PDE1C: variants seen among roughly 807,000 people sequenced by gnomAD.
PDE1C encodes dual specificity calcium/calmodulin-dependent 3',5'-cyclic nucleotide phosphodiesterase 1C.
PDE1C carries 62 observed loss-of-function variants against 93.1 expected under a neutral mutation model. That is an observed-to-expected ratio of 0.67 (90% confidence interval 0.54 to 0.82). PDE1C has a LOEUF of 0.82. PDE1C is among the 40% of genes least tolerant of loss of function. The pLI is 0.00. For missense variants in PDE1C, 742 were observed against 884.6 expected (o/e 0.84, Z 2.04); for synonymous variants, 325 against 310.1 (o/e 1.05, Z -0.50).
At chr7:31,637,835 G>T in the PDE1C span, among the ~76,000 whole-genome samples, 2 of 152,206 alleles carry the variant, frequency 1.3e-5, no homozygotes, top group Admixed American at 1.3e-4. Flanking sequence ...GAACAGTATT[G>T]CCTAGGTTTT....
intron 8 of PDE1C, among the ~76,000 whole-genome samples, chr7:31,848,378 T>C (rs2128795703): frequency 6.6e-6 from 1 of 152,316 alleles, no homozygotes; most frequent in African/African-American, 2.4e-5. Context: ...CCTATATTAG[T>C]TGCAAAGGTG....
At chr7:31,665,523 TAATC>T in the PDE1C span, among the ~76,000 whole-genome samples, 243 of 152,286 alleles carry the variant, frequency 1.6e-3, 2 homozygotes, top group Middle Eastern at 3.4e-3. Context: ...TAATTAATAT[TAATC>T]AATCAATATA....
intron 2 of PDE1C, among the ~76,000 whole-genome samples, chr7:31,918,317 G>A (rs981369936): frequency 6.6e-5 from 10 of 152,082 alleles, no homozygotes; most frequent in African/African-American, 2.2e-4. Context: ...CACACTACAC[G>A]AATAAAATTT....
At chr7:31,668,977 G>A in the PDE1C span, among the ~76,000 whole-genome samples, 1 of 151,952 alleles carries the variant, frequency 6.6e-6, no homozygotes, top group Non-Finnish European at 1.5e-5. Flanking sequence ...TGTCAGTAAG[G>A]CTGAAGTTAG....
intron 2 of PDE1C, among the ~76,000 whole-genome samples, chr7:32,023,643 A>AG (rs1789012687): frequency 6.6e-6 from 1 of 151,568 alleles, no homozygotes; most frequent in African/African-American, 2.4e-5. Context: ...CTGCGTGAGA[A>AG]AAAAAAAAGC....
At chr7:31,824,166 T>C (rs1789357435) in intron 13 of PDE1C, among the ~76,000 whole-genome samples, 1 of 152,186 alleles carries the variant, frequency 6.6e-6, no homozygotes, top group Admixed American at 6.5e-5. Flanking sequence ...CCCACTGTTC[T>C]ACATGAACAA....
chr7:31,755,624 G>A (rs1423080274), intron 17 of PDE1C, among the ~76,000 whole-genome samples: 1 of 151,866 alleles, frequency 6.6e-6, no homozygotes, highest in Non-Finnish European at 1.5e-5. Context: ...ATAGACAAAG[G>A]AGCCCTGAAT....
intron 1 of PDE1C, among the ~76,000 whole-genome samples, chr7:32,213,295 C>A (rs1476524654): frequency 6.6e-6 from 1 of 152,108 alleles, no homozygotes; most frequent in African/African-American, 2.4e-5. Flanking sequence ...GAACACAAGG[C>A]CCCCGTCCCA....
intron 1 of PDE1C, among the ~76,000 whole-genome samples, chr7:32,064,944 C>T (rs55953747): frequency 0.072 from 10,852 of 150,916 alleles, 428 homozygotes; most frequent in African/African-American, 0.083. Flanking sequence ...GGACACCACA[C>T]ATTAAGCTTT....
At chr7:32,288,569 A>G (rs1407837851) in intron 1 of PDE1C, among the ~76,000 whole-genome samples, 1 of 152,158 alleles carries the variant, frequency 6.6e-6, no homozygotes, top group African/African-American at 2.4e-5. Context: ...GATGGTTGGG[A>G]TCTAGTCTGG....
chr7:31,687,891 G>A, the PDE1C span, among the ~76,000 whole-genome samples: 2 of 152,152 alleles, frequency 1.3e-5, no homozygotes, highest in East Asian at 1.9e-4. Flanking sequence ...TACTTTGGGG[G>A]ATATTCTTCA....
the PDE1C span, among the ~76,000 whole-genome samples, chr7:31,685,797 GGGCC>G: frequency 1.3e-5 from 2 of 152,134 alleles, no homozygotes; most frequent in African/African-American, 4.8e-5. Context: ...TCAACATCTA[GGGCC>G]TTCCCTTCCT....
In PDE1C at chr7:31,907,070, G is replaced by GGTGTGTGTGTGTGT. The variant is rs55999814; in HGVS notation, c.129-26224_129-26211dup. 6.9e-3 allele frequency among the ~76,000 whole-genome samples: 1,002 copies of GGTGTGTGTGTGTGT among 145,306 alleles called. 9 individuals are homozygous for GGTGTGTGTGTGTGT. The highest frequency in any genetic ancestry group is 0.011 in the Middle Eastern group (3 of 276). ...GAGCCAACCATTTCTTGATATGTGG[G>GGTGTGTGTGTGTGT]GTGTGTGTGTGTGTGTGTGTGTGTG... On this transcript the variant is annotated intron_variant, in intron 2 of 17. Transcript: ENST00000396191.
intron 1 of PDE1C, among the ~76,000 whole-genome samples, chr7:32,331,521 T>C (rs954769313): frequency 7.2e-5 from 11 of 152,198 alleles, no homozygotes; most frequent in Admixed American, 5.2e-4. Flanking sequence ...TCCAAATTTA[T>C]GTTTTGAAAC....
intron 2 of PDE1C, among the ~76,000 whole-genome samples, chr7:31,911,881 T>A (rs1801287565): frequency 6.6e-6 from 1 of 152,236 alleles, no homozygotes; most frequent in Non-Finnish European, 1.5e-5. Context: ...GTGTGCTGCC[T>A]GTTGTCCATA....
At chr7:32,102,439 C>A (rs531936320) in intron 3 of PDE1C, among the ~76,000 whole-genome samples, 3 of 152,294 alleles carry the variant, frequency 2.0e-5, no homozygotes, top group Admixed American at 2.0e-4. Context: ...ATTTAACCTC[C>A]CTGAAACTCA....
At chr7:32,310,431 C>T (rs922349077) in intron 1 of PDE1C, among the ~76,000 whole-genome samples, 2 of 152,184 alleles carry the variant, frequency 1.3e-5, no homozygotes, top group East Asian at 1.9e-4. Flanking sequence ...CTCTCTACCC[C>T]AAATCAACAG....
chr7:31,801,607 C>T (rs543290929), intron 16 of PDE1C, among the ~76,000 whole-genome samples: 40 of 151,492 alleles, frequency 2.6e-4, no homozygotes, highest in Admixed American at 4.6e-4. Context: ...ATAATAATGT[C>T]TCCAAATAAA....
At chr7:31,948,081 A>G (rs1001688785) in intron 2 of PDE1C, among the ~76,000 whole-genome samples, 3 of 152,346 alleles carry the variant, frequency 2.0e-5, no homozygotes, top group Admixed American at 2.0e-4. Context: ...CCCCTTGTAC[A>G]GCACCTACAA....
Sources: gnomAD v4.1 joint callset for allele counts (sites outside exome capture counted in the v4.1 genomes callset) on GRCh38, gnomAD v4.1.1 for gene constraint, MANE v1.5 for transcripts, NCBI Gene and HGNC (gene_info 2026-07-23, HGNC 2026-07-21) for gene names.